Variants in LARGE1 observed in about 807,000 individuals in gnomAD.
LARGE1 encodes xylosyl- and glucuronyltransferase LARGE1.
In LARGE1, 43 loss-of-function variants were observed where a neutral mutation model predicts 87.6. The observed-to-expected ratio is 0.49, with a 90% CI of 0.38 to 0.63. LARGE1 has a LOEUF of 0.63. LARGE1 is among the 30% of genes least tolerant of loss of function. The pLI, the probability that LARGE1 is intolerant of heterozygous loss-of-function variation, is 0.00. For synonymous variants in LARGE1, 434 were observed against 394.6 expected, an observed-to-expected ratio of 1.10 and a Z score of -1.18; for missense variants, 802 against 1,000.2, an observed-to-expected ratio of 0.80 and a Z score of 2.67.
intron 1 of LARGE1, among the ~76,000 whole-genome samples, chr22:33,821,458 C>G (rs899609517): frequency 6.6e-6 from 1 of 152,126 alleles, no homozygotes; most frequent in African/African-American, 2.4e-5. Flanking sequence ...TCATTCTTTC[C>G]CCACCATGCC....
At chr22:33,369,453 T>A (rs1053978236) in intron 9 of LARGE1, among the ~76,000 whole-genome samples, 1 of 144,688 alleles carries the variant, frequency 6.9e-6, no homozygotes, top group South Asian at 2.1e-4. Flanking sequence ...TTTTCTATTT[T>A]CTTGGTTTTT....
chr22:33,601,629 G>A (rs1028841276), intron 5 of LARGE1, among the ~76,000 whole-genome samples: 5 of 152,154 alleles, frequency 3.3e-5, no homozygotes, highest in African/African-American at 1.2e-4. Flanking sequence ...ACTGGATTCT[G>A]ACAACACTCT....
At chr22:33,578,412 T>C (rs981818444) in intron 5 of LARGE1, among the ~76,000 whole-genome samples, 11 of 152,184 alleles carry the variant, frequency 7.2e-5, no homozygotes, top group African/African-American at 2.7e-4. Context: ...ACTCATTGTG[T>C]GTGCCAAATT....
chr22:33,784,163 C>A lies in LARGE1; in HGVS notation c.-82-22605G>T, dbSNP rs555876723. On this transcript the variant is annotated intron_variant, in intron 1 of 14. Transcript: ENST00000397394. ...GTTTCGTTTTGTTTAACAACTGCAACAATTGCTTTCTGCTAATGAATAAAC... is the reference window on the plus strand; with the variant it reads ...GTTTCGTTTTGTTTAACAACTGCAAAAATTGCTTTCTGCTAATGAATAAAC... Among the ~76,000 whole-genome samples the A allele has an allele frequency of 2.6e-5, 4 of 152,292 alleles. No homozygotes were observed. The East Asian group carries it at 5.8e-4, about 22-fold the overall frequency.
At chr22:33,206,086 C>T (rs1257221905) in intron 11 of LARGE1, among the ~76,000 whole-genome samples, 1 of 151,402 alleles carries the variant, frequency 6.6e-6, no homozygotes, top group African/African-American at 2.4e-5. Flanking sequence ...TCCAGAGTAG[C>T]TGGGACTACA....
chr22:33,264,239 A>T (rs1927802494), intron 11 of LARGE1, among the ~76,000 whole-genome samples: 1 of 152,244 alleles, frequency 6.6e-6, no homozygotes, highest in Admixed American at 6.5e-5. Context: ...TAGATTCACA[A>T]ACTAAATTTA....
chr22:33,916,736 G>A (rs922294575), intron 1 of LARGE1, among the ~76,000 whole-genome samples: 11 of 152,162 alleles, frequency 7.2e-5, no homozygotes, highest in South Asian at 2.1e-4. Flanking sequence ...TTCACGGACC[G>A]TAAGGAAGGC....
At chr22:33,368,121 C>G (rs1258370232) in intron 9 of LARGE1, among the ~76,000 whole-genome samples, 1 of 152,158 alleles carries the variant, frequency 6.6e-6, no homozygotes, top group Non-Finnish European at 1.5e-5. Context: ...AGGATGTATA[C>G]TCTCAGATCA....
intron 3 of LARGE1, among the ~76,000 whole-genome samples, chr22:33,628,848 G>T (rs988085213): frequency 6.6e-6 from 1 of 152,092 alleles, no homozygotes; most frequent in African/African-American, 2.4e-5. Context: ...CTACTTGGTG[G>T]GTCTGGGGTG....
chr22:33,817,922 G>C (rs1047149219), intron 1 of LARGE1, among the ~76,000 whole-genome samples: 1 of 131,286 alleles, frequency 7.6e-6, no homozygotes, highest in African/African-American at 2.5e-5. Context: ...AGGGGGAGGA[G>C]AGGGAGGAAA....
intron 7 of LARGE1, among the ~76,000 whole-genome samples, chr22:33,399,163 T>C (rs909531092): frequency 4.0e-5 from 6 of 148,722 alleles, no homozygotes; most frequent in African/African-American, 1.5e-4. Context: ...GAGGCCCCCA[T>C]GTGTGATGTT....
the LARGE1 span, among the ~76,000 whole-genome samples, chr22:33,113,000 T>C: frequency 6.6e-6 from 1 of 152,192 alleles, no homozygotes. Flanking sequence ...TGTCATGCTC[T>C]ATTAAATGCA....
At chr22:33,882,435 C>A (rs1041870343) in intron 1 of LARGE1, among the ~76,000 whole-genome samples, 5 of 152,140 alleles carry the variant, frequency 3.3e-5, no homozygotes, top group Middle Eastern at 3.4e-3. Flanking sequence ...TACCAAGATG[C>A]CCCCCCACAC....
intron 9 of LARGE1, among the ~76,000 whole-genome samples, chr22:33,368,431 G>A (rs563923109): frequency 6.6e-6 from 1 of 151,812 alleles, no homozygotes; most frequent in East Asian, 1.9e-4. Flanking sequence ...CTACTTGCGA[G>A]GCTGAGGCAG....
At chr22:33,713,895 G>A (rs746513156) in intron 2 of LARGE1, among the ~76,000 whole-genome samples, 29 of 152,100 alleles carry the variant, frequency 1.9e-4, no homozygotes, top group Non-Finnish European at 4.0e-4. Flanking sequence ...GGTTGAGGCT[G>A]CAGTGAGCCA....
intron 9 of LARGE1, among the ~76,000 whole-genome samples, chr22:33,348,884 G>A (rs1236805829): frequency 1.3e-5 from 2 of 151,960 alleles, no homozygotes; most frequent in Admixed American, 6.6e-5. Context: ...TTTAGTCATC[G>A]GGGTGGGTTT....
At chr22:33,495,945 G>C (rs546084389) in intron 6 of LARGE1, among the ~76,000 whole-genome samples, 2 of 152,228 alleles carry the variant, frequency 1.3e-5, no homozygotes, top group Admixed American at 6.5e-5. Flanking sequence ...GGATTCTCTA[G>C]AGGGACAGAA....
At chr22:33,469,250 T>C (rs1055462806) in intron 6 of LARGE1, among the ~76,000 whole-genome samples, 4 of 152,290 alleles carry the variant, frequency 2.6e-5, no homozygotes, top group South Asian at 4.1e-4. Context: ...ACTGCAGCAC[T>C]ATTCACAATA....
downstream of LARGE1, among the ~76,000 whole-genome samples, chr22:33,271,793 CCT>C (rs548099536): frequency 2.0e-5 from 3 of 152,222 alleles, no homozygotes; most frequent in Non-Finnish European, 2.9e-5. Context: ...GGGTTGGCAG[CCT>C]CTCTGTTGAA....
Sources: allele counts gnomAD v4.1 joint callset (sites outside exome capture counted in the v4.1 genomes callset), GRCh38; gene constraint gnomAD v4.1.1; transcripts MANE v1.5; gene names NCBI Gene and HGNC (gene_info 2026-07-23, HGNC 2026-07-21).